Variants in RAI14 observed in about 807,000 individuals in gnomAD.
The protein encoded by RAI14 is ankycorbin.
Under a neutral mutation model 115.4 loss-of-function variants are expected in RAI14, and 45 were observed. That is an observed-to-expected ratio of 0.39 (90% confidence interval 0.31 to 0.50). RAI14 has a LOEUF of 0.50. Ranked by LOEUF, RAI14 falls within the 20% of genes least tolerant of loss-of-function variation. The probability of loss-of-function intolerance (pLI) is 0.85; values close to 1 mark genes in which losing one functional copy is unlikely to be tolerated. For missense variants in RAI14, 939 were observed against 1,131.2 expected (o/e 0.83, Z 2.44); for synonymous variants, 371 against 415.4 (o/e 0.89, Z 1.30).
intron 3 of RAI14, among the ~76,000 whole-genome samples, chr5:34,768,435 T>G (rs569411075): frequency 6.6e-6 from 1 of 152,330 alleles, no homozygotes; most frequent in Admixed American, 6.5e-5. Context: ...CTTAGAGATC[T>G]CGTCAATTTC....
At chr5:34,672,671 G>A (rs986490099) in intron 1 of RAI14, among the ~76,000 whole-genome samples, 1 of 152,180 alleles carries the variant, frequency 6.6e-6, no homozygotes, top group Non-Finnish European at 1.5e-5. Flanking sequence ...CCCCTGGGGA[G>A]TGATGCCTTG....
At chr5:34,717,665 A>G (rs1335632125) in intron 2 of RAI14, among the ~76,000 whole-genome samples, 1 of 152,112 alleles carries the variant, frequency 6.6e-6, no homozygotes. Context: ...AAGAGAGTGC[A>G]AATCCCAGTC....
At position 34,710,902 on chromosome 5, in the gene RAI14, G is replaced by A. The variant is rs556553938; in HGVS notation, c.36+23947G>A. ...TCTTTCCTCTCCTTTCTTAGTAAAA[G>A]AACCTTATCTTTTATTTGGGATGCA... On this transcript the variant is annotated intron_variant, in intron 2 of 17. Coordinates refer to ENST00000265109, the MANE Select transcript of RAI14 (RefSeq NM_015577.3). Among the ~76,000 whole-genome samples the A allele has an allele frequency of 3.9e-5, 6 of 152,254 alleles. 1 individual carries two copies. The East Asian group carries it at 9.6e-4, about 24-fold the overall frequency.
chr5:34,791,571 C>T lies in RAI14; in HGVS notation c.168-4368C>T, dbSNP rs937927154. Among the ~76,000 whole-genome samples, 3 of 152,108 alleles carry T rather than the reference C, an allele frequency of 2.0e-5. No individual in the cohort carries two copies. The highest frequency in any genetic ancestry group is 4.4e-5 in the Non-Finnish European group (3 of 68,024). ...TAGTATCCACTAGAACTTAACATTT[C>T]ATCCTGTGGATCATCACACACAAAA... On this transcript the variant is annotated intron_variant, in intron 3 of 17. Coordinates refer to ENST00000265109, the MANE Select transcript of RAI14 (RefSeq NM_015577.3). The surrounding 1 kb of genome is among the most constrained non-coding windows in gnomAD (Gnocchi z 5.4).
chr5:34,713,707 C>G (rs921614677), intron 2 of RAI14, among the ~76,000 whole-genome samples: 2 of 150,710 alleles, frequency 1.3e-5, no homozygotes, highest in Non-Finnish European at 3.0e-5. Flanking sequence ...GGCTGAGGAG[C>G]TTTTTAATGG....
chr5:34,762,491 A>C lies in RAI14; in HGVS notation c.167+4893A>C, dbSNP rs185829643. ...TTCTTTCAGGGAAAGATGAGAATGC[A>C]TGCCAGGAAATTTTCTTCCTCTAAG... On this transcript the variant is annotated intron_variant, in intron 3 of 17. Transcript: ENST00000265109. 3.9e-5 allele frequency among the ~76,000 whole-genome samples: 6 copies of C among 152,282 alleles called. No individual in the cohort carries two copies. In the East Asian group the frequency reaches 9.7e-4, roughly 25 times the overall value.
At chr5:34,684,161 C>T (rs1744617001) in intron 1 of RAI14, among the ~76,000 whole-genome samples, 1 of 152,152 alleles carries the variant, frequency 6.6e-6, no homozygotes, top group Non-Finnish European at 1.5e-5. Flanking sequence ...TCTGTTTTGA[C>T]GTGAAAAAAA....
chr5:34,829,951 G>C, intron 17 of RAI14, 154 bp downstream of exon 17: 1 of 627,860 alleles, frequency 1.6e-6, no homozygotes. Context: ...CATTGCTTTG[G>C]ATTCTGTGTC....
At chr5:34,675,776 A>T (rs1229663221) in intron 1 of RAI14, among the ~76,000 whole-genome samples, 1 of 152,018 alleles carries the variant, frequency 6.6e-6, no homozygotes, top group Non-Finnish European at 1.5e-5. Flanking sequence ...AAAAAAAGGA[A>T]TGGAATCATA....
chr5:34,704,227 TGA>T (rs1326884290), intron 2 of RAI14, among the ~76,000 whole-genome samples: 2 of 152,214 alleles, frequency 1.3e-5, no homozygotes, highest in African/African-American at 4.8e-5. Context: ...CTGTGTCCAA[TGA>T]GAGAGAATGT....
chr5:34,740,649 C>T (rs570767675), intron 2 of RAI14, among the ~76,000 whole-genome samples: 75 of 152,184 alleles, frequency 4.9e-4, no homozygotes, highest in African/African-American at 1.8e-3. Context: ...CTGGGGAGAC[C>T]GTGATGAAGA....
In RAI14 at chr5:34,704,518, C is replaced by T. The variant is rs532028254; in HGVS notation, c.36+17563C>T. 2.2e-4 allele frequency among the ~76,000 whole-genome samples: 33 copies of T among 152,276 alleles called. No individual in the cohort carries two copies. The South Asian group carries it at 2.3e-3, about 11-fold the overall frequency. On this transcript the variant is annotated intron_variant, in intron 2 of 17. Transcript: ENST00000265109. ...ACTTAACTATCTTTAAACCCGCTGACGTTCTGTTTCCTTATCAGCAAAATA... is the reference window on the plus strand; with the variant it reads ...ACTTAACTATCTTTAAACCCGCTGATGTTCTGTTTCCTTATCAGCAAAATA...
At chr5:34,786,486 C>T (rs1025532495) in intron 3 of RAI14, among the ~76,000 whole-genome samples, 98 of 152,198 alleles carry the variant, frequency 6.4e-4, no homozygotes, top group African/African-American at 2.3e-3. Context: ...AGCTGGCAAA[C>T]AAACCGGCTC....
At chr5:34,752,743 G>GTATATATATATATA (rs1470753966) in intron 2 of RAI14, among the ~76,000 whole-genome samples, 1 of 100,904 alleles carries the variant, frequency 9.9e-6, no homozygotes, top group African/African-American at 4.2e-5. Context: ...GTGTGTGTGT[G>GTATATATATATATA]TGTGTGTATA....
Position 34,824,236 on chromosome 5 carries a change from T to C in RAI14, c.2394T>C (p.Ser798=). The change falls in exon 15 of 18, where the codon AGT becomes AGC. Residue 798 remains serine, a synonymous_variant. Coordinates refer to ENST00000265109, the MANE Select transcript of RAI14 (RefSeq NM_015577.3). ...SYEKLQSSLE[S]EVSVLASKLK... is the part of the protein sequence containing the mutation. ...AAAAACTCCAGTCATCCTTAGAGAG[T>C]GAAGTGAGTGTGTTGGCATCGAAAT... 6.2e-7 allele frequency: 1 copy of C among 1,613,830 alleles called. No homozygotes were observed. Among genetic ancestry groups the C allele is most frequent in the South Asian group, 1.1e-5 (1 of 91,074 alleles).
At chr5:34,665,664 T>C (rs1450964738) in intron 1 of RAI14, among the ~76,000 whole-genome samples, 1 of 152,132 alleles carries the variant, frequency 6.6e-6, no homozygotes, top group Non-Finnish European at 1.5e-5. Flanking sequence ...TATAAATTCA[T>C]AATTTTTATC....
In RAI14 at chr5:34,689,665, G is replaced by A. The variant is rs147341457; in HGVS notation, c.36+2710G>A. On this transcript the variant is annotated intron_variant, in intron 2 of 17. Transcript: ENST00000265109. ...AGGCAGAAGGATCACCTGAGGTTGA[G>A]AGTTTGAGACCACCCTGGCCAACAT... 4.4e-3 allele frequency among the ~76,000 whole-genome samples: 677 copies of A among 152,220 alleles called. 3 individuals are homozygous for A. The highest frequency in any genetic ancestry group is 0.016 in the African/African-American group (647 of 41,542).
At chr5:34,716,411 A>AT (rs879859980) in intron 2 of RAI14, among the ~76,000 whole-genome samples, 119 of 144,202 alleles carry the variant, frequency 8.3e-4, no homozygotes, top group East Asian at 1.8e-3. Flanking sequence ...TTTTGGGTTA[A>AT]TTTTTTTTTT....
intron 3 of RAI14, among the ~76,000 whole-genome samples, chr5:34,784,872 G>A (rs986438948): frequency 6.6e-5 from 10 of 152,226 alleles, no homozygotes; most frequent in African/African-American, 2.4e-4. Context: ...GGAATGCTTA[G>A]AGCAGGTCGT....
Sources: allele counts gnomAD v4.1 joint callset (sites outside exome capture counted in the v4.1 genomes callset), GRCh38; gene constraint gnomAD v4.1.1; non-coding constraint Gnocchi (gnomAD v3.1); transcripts MANE v1.5; gene names NCBI Gene and HGNC (gene_info 2026-07-23, HGNC 2026-07-21).